The following CMTM1 variants were observed in gnomAD, a reference collection of about 807,000 sequenced individuals.
The protein encoded by CMTM1 is CKLF like MARVEL transmembrane domain containing 1.
A neutral mutation model predicts 17.8 loss-of-function variants in CMTM1; 16 were observed. The ratio of observed to expected loss-of-function variants is 0.90; its 90% confidence interval spans 0.61 to 1.37. The LOEUF is 1.37. CMTM1 is among the 40% of genes most tolerant of loss of function. CMTM1 has a pLI of 0.00. For missense variants in CMTM1, 354 were observed against 375.6 expected (o/e 0.94, Z 0.47); for synonymous variants, 169 against 154.6 (o/e 1.09, Z -0.69).
chr16:66,567,129 T>C (rs1449660806), intron 1 of CMTM1, 184 bp downstream of exon 1: 5 of 670,462 alleles, frequency 7.5e-6, no homozygotes, highest in Middle Eastern at 2.4e-4. Context: ...CCTACTAAAC[T>C]TGCCTCTTTT....
chr16:66,570,574 T>A (rs1235246330), intron 2 of CMTM1, among the ~76,000 whole-genome samples: 2 of 152,096 alleles, frequency 1.3e-5, no homozygotes, highest in African/African-American at 4.8e-5. Context: ...CACAAAGAGG[T>A]GCCGGACTAT....
chr16:66,566,915 G>A lies in CMTM1; in HGVS notation c.402G>A (p.Ser134=). 1 of 1,614,048 alleles carries A rather than the reference G, an allele frequency of 6.2e-7. No homozygotes were observed. Among genetic ancestry groups the A allele is most frequent in the East Asian group, 2.2e-5 (1 of 44,866 alleles). ...FRDSLKRFSF[S]PTGMLKILRL... is the part of the protein sequence containing the mutation. ...ACAGCCTCAAACGTTTCTCCTTCTC[G>A]CCCACTGGAATGTTGAAGATCCTGA... is the stretch of plus-strand genomic sequence containing the variant. Residue 134 remains serine, a synonymous_variant, in exon 1 of 4, where the codon TCG becomes TCA. Transcript: ENST00000379500. This position sits in a 1 kb window ranked among gnomAD's most constrained non-coding sequence, Gnocchi z 4.9.
At chr16:66,573,703 T>C (rs1390631314) in intron 2 of CMTM1, among the ~76,000 whole-genome samples, 3 of 149,174 alleles carry the variant, frequency 2.0e-5, no homozygotes, top group African/African-American at 7.4e-5. Flanking sequence ...TTTTTTTTTT[T>C]TGAGATGGAG....
chr16:66,566,660 A>AC lies in CMTM1; in HGVS notation c.151dup (p.Arg51ProfsTer23). On this transcript the variant is annotated frameshift_variant, in exon 1 of 4. Coordinates refer to ENST00000379500, the MANE Select transcript of CMTM1 (RefSeq NM_052999.4). LOFTEE classifies it high-confidence loss of function. This position sits in a 1 kb window ranked among gnomAD's most constrained non-coding sequence, Gnocchi z 4.9. ...AGCGCAACATCTCAGCGAAGACCGC[A>AC]CCCCGGAAGCACCCCGCAGTCTCAA... The AC allele has an allele frequency of 6.2e-7, 1 of 1,613,626 alleles. No individual in the cohort carries two copies. Among genetic ancestry groups the AC allele is most frequent in the African/African-American group, 1.3e-5 (1 of 74,864 alleles).
At chr16:66,578,680 T>C (rs566228265) in intron 3 of CMTM1, 151 bp from the exon 4 acceptor site, 35 of 1,044,774 alleles carry the variant, frequency 3.4e-5, no homozygotes, top group Middle Eastern at 3.2e-4. Flanking sequence ...CAGCAGCCAA[T>C]TGGGCAGGCG....
At position 66,579,003 on chromosome 16, in the gene CMTM1, GC is replaced by G; in HGVS notation, c.*4del. On this transcript the variant is annotated 3_prime_UTR_variant, in exon 4 of 4. Transcript: ENST00000379500. This position sits in a 1 kb window ranked among gnomAD's most constrained non-coding sequence, Gnocchi z 6.5. The stretch of plus-strand genomic sequence containing the variant: ...GACGCCCCGCAGAGGCCCGCCTGAA[GC>G]CAGCCCGGCGCCCTAGCAGATGCAC... 6.2e-7 allele frequency: 1 copy of G among 1,612,464 alleles called. No individual in the cohort carries two copies. The highest frequency in any genetic ancestry group is 8.5e-7 in the Non-Finnish European group (1 of 1,179,680).
At chr16:66,574,062 T>C (rs1433033765) in intron 2 of CMTM1, among the ~76,000 whole-genome samples, 1 of 152,140 alleles carries the variant, frequency 6.6e-6, no homozygotes, top group African/African-American at 2.4e-5. Flanking sequence ...ATCTTTCTCT[T>C]TCCTACTTAT....
chr16:66,574,801 C>T (rs940097436), intron 2 of CMTM1: 67 of 205,718 alleles, frequency 3.3e-4, no homozygotes, highest in African/African-American at 1.5e-3. Flanking sequence ...AGAAACTGAG[C>T]TCCGGTTATA....
At chr16:66,577,303 C>T (rs770152004) in intron 3 of CMTM1, 101 bp downstream of exon 3, 301 of 796,618 alleles carry the variant, frequency 3.8e-4, no homozygotes, top group Non-Finnish European at 4.8e-4. Flanking sequence ...GCAAAATCCC[C>T]ACTGCCACCC....
In CMTM1 at chr16:66,578,866, C is replaced by T. The variant is rs2014599824; in HGVS notation, c.726C>T (p.Ile242=). Residue 242 remains isoleucine, a synonymous_variant, in exon 4 of 4, where the codon ATC becomes ATT. Transcript: ENST00000379500. ...TCACAGCGGTAATCGTGTGTTGCAT[C>T]GATGCGTTTGTGGTCACCACGAAGA... is the stretch of plus-strand genomic sequence containing the variant. ...LCLTAVIVCC[I]DAFVVTTKMR... is the part of the protein sequence containing the mutation. The T allele has an allele frequency of 1.2e-6, 2 of 1,614,168 alleles. No individual in the cohort carries two copies. Among genetic ancestry groups the T allele is most frequent in the Non-Finnish European group, 1.7e-6 (2 of 1,180,022 alleles).
At chr16:66,569,002 C>T (rs1049490138) in intron 1 of CMTM1, among the ~76,000 whole-genome samples, 2 of 152,018 alleles carry the variant, frequency 1.3e-5, no homozygotes, top group African/African-American at 2.4e-5. Context: ...TCAGGTGACT[C>T]GTTATTGTGT....
At chr16:66,577,685 G>A (rs902540997) in intron 3 of CMTM1, among the ~76,000 whole-genome samples, 7 of 152,168 alleles carry the variant, frequency 4.6e-5, no homozygotes, top group African/African-American at 1.7e-4. Context: ...CCTGCACCAA[G>A]CAGGGCACAC....
At chr16:66,571,702 T>A (rs912008996) in intron 2 of CMTM1, among the ~76,000 whole-genome samples, 1 of 152,108 alleles carries the variant, frequency 6.6e-6, no homozygotes, top group Non-Finnish European at 1.5e-5. Flanking sequence ...ACACAGGCCC[T>A]TGGGGGTGGG....
intron 2 of CMTM1, among the ~76,000 whole-genome samples, chr16:66,574,741 G>A (rs1273080938): frequency 6.6e-6 from 1 of 152,198 alleles, no homozygotes; most frequent in Non-Finnish European, 1.5e-5. Context: ...TTAATGATGT[G>A]CGTTTGTTCA....
chr16:66,570,190 T>G, intron 2 of CMTM1, 96 bp downstream of exon 2: 1 of 988,430 alleles, frequency 1.0e-6, no homozygotes, highest in Non-Finnish European at 1.5e-6. Flanking sequence ...GCTATCTCTC[T>G]AGACAAGGAC....
At chr16:66,567,715 A>G (rs56127647) in intron 1 of CMTM1, among the ~76,000 whole-genome samples, 9 of 152,334 alleles carry the variant, frequency 5.9e-5, no homozygotes, top group Non-Finnish European at 1.3e-4. Flanking sequence ...CCATTGGCCA[A>G]CCAAGAAAAA....
At chr16:66,578,599 C>T (rs2014554244) in intron 3 of CMTM1, among the ~76,000 whole-genome samples, 1 of 152,158 alleles carries the variant, frequency 6.6e-6, no homozygotes, top group African/African-American at 2.4e-5. Flanking sequence ...AGACATCAAG[C>T]GAGGCTACTA....
At chr16:66,577,908 G>A (rs897826495) in intron 3 of CMTM1, among the ~76,000 whole-genome samples, 1 of 152,200 alleles carries the variant, frequency 6.6e-6, no homozygotes, top group African/African-American at 2.4e-5. Context: ...GAGTTCATTT[G>A]AATTCATTCT....
At chr16:66,576,991 C>A in intron 2 of CMTM1, 113 bp from the exon 3 acceptor site, 1 of 876,754 alleles carries the variant, frequency 1.1e-6, no homozygotes, top group South Asian at 1.9e-5. Flanking sequence ...TCATCTTAAT[C>A]AAATGGAAGG....
Sources: gnomAD v4.1 joint callset for allele counts (sites outside exome capture counted in the v4.1 genomes callset) on GRCh38, gnomAD v4.1.1 for gene constraint, Gnocchi (gnomAD v3.1) non-coding constraint, MANE v1.5 for transcripts, NCBI Gene and HGNC (gene_info 2026-07-23, HGNC 2026-07-21) for gene names.